CRB1: variants seen among roughly 807,000 people sequenced by gnomAD.
CRB1 encodes the protein protein crumbs homolog 1.
Under a neutral mutation model 120.0 loss-of-function variants are expected in CRB1, and 83 were observed. The observed-to-expected ratio is 0.69, with a 90% CI of 0.58 to 0.83. The LOEUF is 0.83. Ranked by LOEUF, CRB1 falls within the 40% of genes least tolerant of loss-of-function variation. CRB1 has a pLI of 0.00. For missense variants in CRB1, 1,699 were observed against 1,687.6 expected, an observed-to-expected ratio of 1.01 and a Z score of -0.12; for synonymous variants, 625 against 612.5, an observed-to-expected ratio of 1.02 and a Z score of -0.30.
the CRB1 span, among the ~76,000 whole-genome samples, chr1:197,209,376 G>C: frequency 2.2e-4 from 33 of 151,842 alleles, no homozygotes; most frequent in African/African-American, 7.0e-4. Flanking sequence ...ATGGAGTCTC[G>C]CTCTGTTGCC....
chr1:197,353,727 G>A (rs1222490463), intron 4 of CRB1, among the ~76,000 whole-genome samples: 1 of 149,172 alleles, frequency 6.7e-6, no homozygotes, highest in Non-Finnish European at 1.5e-5. Context: ...CTTGAACCCA[G>A]CAGATGGAGG....
chr1:197,357,338 G>A (rs1163279836), intron 5 of CRB1: 10 of 376,662 alleles, frequency 2.7e-5, no homozygotes, highest in African/African-American at 1.8e-4. Flanking sequence ...ATTTGATAAT[G>A]ATGTTAAATT....
intron 11 of CRB1, chr1:197,442,542 C>T (rs1665505840): frequency 2.1e-6 from 3 of 1,438,972 alleles, no homozygotes; most frequent in Non-Finnish European, 2.7e-6. Flanking sequence ...AAGGTAAATT[C>T]AAGGCTTATT....
intron 5 of CRB1, among the ~76,000 whole-genome samples, chr1:197,386,106 A>AG (rs1662204075): frequency 1.3e-5 from 2 of 152,116 alleles, no homozygotes; most frequent in South Asian, 4.2e-4. Flanking sequence ...TTCCCCCAGT[A>AG]GTGGGGGGTA....
intron 5 of CRB1, among the ~76,000 whole-genome samples, chr1:197,396,501 G>T (rs1662779636): frequency 6.6e-6 from 1 of 151,540 alleles, no homozygotes; most frequent in African/African-American, 2.4e-5. Context: ...GAAAGCCAAA[G>T]GAAATAAAAC....
At chr1:197,229,500 T>A in the CRB1 span, among the ~76,000 whole-genome samples, 3 of 152,194 alleles carry the variant, frequency 2.0e-5, no homozygotes, top group African/African-American at 7.2e-5. Context: ...TGCAGATTTG[T>A]TCCATGGGCA....
intron 1 of CRB1, among the ~76,000 whole-genome samples, chr1:197,296,758 C>T (rs1656545486): frequency 1.3e-5 from 2 of 152,106 alleles, no homozygotes; most frequent in African/African-American, 2.4e-5. Context: ...GCAGTTCCCC[C>T]ATACTGTTCT....
At chr1:197,300,360 T>C (rs1656793194) in intron 1 of CRB1, among the ~76,000 whole-genome samples, 1 of 151,898 alleles carries the variant, frequency 6.6e-6, no homozygotes, top group African/African-American at 2.4e-5. Flanking sequence ...GCTACTCCAG[T>C]TCACACACAA....
At chr1:197,439,649 G>A (rs894775192) in intron 10 of CRB1, 1 of 151,852 alleles carries the variant, frequency 6.6e-6, no homozygotes, top group African/African-American at 2.4e-5. Flanking sequence ...GTATCATCGA[G>A]GGTAAGATAA....
intron 1 of CRB1, among the ~76,000 whole-genome samples, chr1:197,327,330 A>G (rs1057167957): frequency 6.6e-6 from 1 of 152,234 alleles, no homozygotes; most frequent in Non-Finnish European, 1.5e-5. Flanking sequence ...TACCTGTTTC[A>G]TAGAAAAGTG....
the CRB1 span, among the ~76,000 whole-genome samples, chr1:197,251,057 G>T: frequency 1.3e-5 from 2 of 151,908 alleles, no homozygotes; most frequent in African/African-American, 4.8e-5. Context: ...CAGACATCAT[G>T]ATACTTTCCA....
chr1:197,226,743 G>C, the CRB1 span, among the ~76,000 whole-genome samples: 3 of 152,158 alleles, frequency 2.0e-5, no homozygotes, highest in African/African-American at 7.2e-5. Context: ...CCATGCTGCT[G>C]TAAAGATAAA....
the CRB1 span, among the ~76,000 whole-genome samples, chr1:197,222,064 T>C: frequency 2.6e-5 from 4 of 152,244 alleles, no homozygotes; most frequent in Non-Finnish European, 5.9e-5. Flanking sequence ...ATTTTATTTT[T>C]TACTTTTTTT....
At chr1:197,338,978 G>T (rs1659309425) in intron 2 of CRB1, among the ~76,000 whole-genome samples, 1 of 152,110 alleles carries the variant, frequency 6.6e-6, no homozygotes, top group Admixed American at 6.6e-5. Context: ...GAGTAAAAAA[G>T]GAGTCAGAAT....
chr1:197,225,791 T>G, the CRB1 span, among the ~76,000 whole-genome samples: 2 of 152,346 alleles, frequency 1.3e-5, no homozygotes, highest in Non-Finnish European at 2.9e-5. Context: ...TTTTGAAGCT[T>G]TCTCGCATAC....
At chr1:197,319,134 T>G (rs1047895835) in intron 1 of CRB1, among the ~76,000 whole-genome samples, 1 of 151,284 alleles carries the variant, frequency 6.6e-6, no homozygotes, top group African/African-American at 2.4e-5. Context: ...GGTATATTAT[T>G]GGGAAATTCT....
At chr1:197,222,399 G>C in the CRB1 span, 46 of 766,708 alleles carry the variant, frequency 6.0e-5, no homozygotes, top group South Asian at 6.2e-4. Flanking sequence ...GCCAGGACTT[G>C]CAGTAGGTGA....
intron 5 of CRB1, among the ~76,000 whole-genome samples, chr1:197,370,310 T>C (rs937987931): frequency 3.9e-5 from 6 of 152,098 alleles, no homozygotes; most frequent in African/African-American, 1.4e-4. Context: ...ACTTAAACTA[T>C]ACTCTAAAAC....
rs1471808352 is a variant in CRB1, at chr1:197,382,960, A to C, written c.1171+25947A>C. Among the ~76,000 whole-genome samples, 3 of 152,200 alleles carry C rather than the reference A, an allele frequency of 2.0e-5. No homozygotes were observed. The South Asian group carries it at 6.2e-4, about 31-fold the overall frequency. ...ACCTGCTCCAAATCATCCATTCTGC[A>C]GGAACTAAATTAAGGTTCTTCTAAA... On this transcript the variant is annotated intron_variant, in intron 5 of 11. Transcript: ENST00000367400.
Sources: gnomAD v4.1 joint callset for allele counts (sites outside exome capture counted in the v4.1 genomes callset) on GRCh38, gnomAD v4.1.1 for gene constraint, MANE v1.5 for transcripts, NCBI Gene and HGNC (gene_info 2026-07-23, HGNC 2026-07-21) for gene names.